Variants in GIGYF2 observed in about 807,000 individuals in gnomAD.
GIGYF2 encodes the protein GRB10 interacting GYF protein 2.
A neutral mutation model predicts 208.1 loss-of-function variants in GIGYF2; 25 were observed. That is an observed-to-expected ratio of 0.12 (90% CI 0.09 to 0.17). GIGYF2 has a LOEUF of 0.17. GIGYF2 is among the 10% of genes least tolerant of loss of function. The pLI is 1.00. For synonymous variants in GIGYF2, 534 were observed against 543.8 expected (o/e 0.98, Z 0.25); for missense variants, 1,302 against 1,579.4 (o/e 0.82, Z 2.98).
chr2:232,802,508 C>T (rs1043377016), intron 14 of GIGYF2, among the ~76,000 whole-genome samples: 6 of 151,958 alleles, frequency 3.9e-5, no homozygotes, highest in African/African-American at 1.5e-4. Context: ...TTTTTTCCCC[C>T]CTTATTAATA....
chr2:232,771,419 T>C, intron 8 of GIGYF2: 1 of 1,290,214 alleles, frequency 7.8e-7, no homozygotes, highest in Non-Finnish European at 1.1e-6. Context: ...AACTGTTTTA[T>C]AGTTAATGTT....
At chr2:232,804,574 C>G (rs1159323658) in intron 14 of GIGYF2, among the ~76,000 whole-genome samples, 2 of 152,088 alleles carry the variant, frequency 1.3e-5, no homozygotes, top group Non-Finnish European at 2.9e-5. Flanking sequence ...TCCCTGCAAC[C>G]TCTGCTTCCC....
chr2:232,816,771 A>T, intron 19 of GIGYF2, 100 bp from the exon 20 acceptor site: 1 of 875,062 alleles, frequency 1.1e-6, no homozygotes, highest in South Asian at 1.3e-5. Flanking sequence ...GCAGTACGGT[A>T]CAAGCAGCTG....
chr2:232,732,164 T>G (rs1697530818), intron 2 of GIGYF2, among the ~76,000 whole-genome samples: 1 of 152,214 alleles, frequency 6.6e-6, no homozygotes, highest in Admixed American at 6.5e-5. Context: ...ATTTAAAATT[T>G]AGTCGTTTGA....
chr2:232,746,922 T>C (rs570343813), intron 3 of GIGYF2, among the ~76,000 whole-genome samples: 2 of 152,352 alleles, frequency 1.3e-5, no homozygotes, highest in Admixed American at 6.5e-5. Flanking sequence ...TTTGCAGATA[T>C]AACCTTATTC....
chr2:232,721,385 A>C (rs949753198), intron 2 of GIGYF2, among the ~76,000 whole-genome samples: 1 of 152,118 alleles, frequency 6.6e-6, no homozygotes, highest in Non-Finnish European at 1.5e-5. Context: ...CCTCGTGTTC[A>C]TAAGATGTTT....
At chr2:232,708,605 C>A (rs1422401710) in intron 2 of GIGYF2, among the ~76,000 whole-genome samples, 1 of 149,796 alleles carries the variant, frequency 6.7e-6, no homozygotes, top group East Asian at 2.0e-4. Context: ...AAGGCTGAGG[C>A]AGGTGAATTG....
At chr2:232,760,096 T>G (rs1323203535) in intron 6 of GIGYF2, 1 of 172,350 alleles carries the variant, frequency 5.8e-6, no homozygotes, top group African/African-American at 2.4e-5. Flanking sequence ...CTTCTTAAAC[T>G]CTCTAAACCA....
chr2:232,760,477 C>T lies in GIGYF2; in HGVS notation c.380-3C>T, dbSNP rs374364876. 3.1e-6 allele frequency: 5 copies of T among 1,598,456 alleles called. No individual in the cohort carries two copies. In the African/African-American group the frequency reaches 5.4e-5, roughly 17 times the overall value. On this transcript the variant is annotated splice_polypyrimidine_tract_variant and splice_region_variant and intron_variant, in intron 6 of 28. Transcript: ENST00000373563. ...TCATTTTTTTCTGTTTTCTTATTTT[C>T]AGGCAGAGGCAGAGGTGAATGTGGT...
At chr2:232,727,019 C>CA (rs1697231121) in intron 2 of GIGYF2, among the ~76,000 whole-genome samples, 1 of 152,166 alleles carries the variant, frequency 6.6e-6, no homozygotes, top group Admixed American at 6.5e-5. Flanking sequence ...GGCTGGAGTG[C>CA]AGTGGCACGA....
chr2:232,713,655 T>C (rs1433713751), intron 2 of GIGYF2, among the ~76,000 whole-genome samples: 3 of 152,228 alleles, frequency 2.0e-5, no homozygotes, highest in African/African-American at 7.2e-5. Flanking sequence ...ATCCTTAGGC[T>C]TCTTTAGCTA....
At chr2:232,845,260 T>C (rs1332126876) in intron 25 of GIGYF2, among the ~76,000 whole-genome samples, 1 of 152,242 alleles carries the variant, frequency 6.6e-6, no homozygotes, top group Non-Finnish European at 1.5e-5. Flanking sequence ...ACTTAATAAA[T>C]GGTAGTGTTG....
Position 232,858,448 on chromosome 2 carries a change from T to C in GIGYF2, c.*1588T>C, listed in dbSNP as rs375797311. 3 of 454,030 alleles carry C rather than the reference T, an allele frequency of 6.6e-6. No homozygotes were observed. Among genetic ancestry groups the C allele is most frequent in the Non-Finnish European group, 1.3e-5 (3 of 226,316 alleles). 28.1% of individuals were successfully genotyped at this position (454,030 alleles called of 1,614,324 possible). On this transcript the variant is annotated 3_prime_UTR_variant, in exon 29 of 29. Transcript: ENST00000373563. ...TATATAGTTTTTGGATCAAATAGCA[T>C]GAGGGGAGAGGAAACCATTAAAAGT...
rs1179963510 is a variant in GIGYF2, at chr2:232,831,010, C to T, written c.2530-1847C>T. On this transcript the variant is annotated intron_variant, in intron 21 of 28. Transcript: ENST00000373563. The stretch of plus-strand genomic sequence containing the variant: ...TGATTGGAATTTATCTGAAGTTTTT[C>T]TCATGAATAGACTGGACTATGGGTA... Among the ~76,000 whole-genome samples, 4 of 152,070 alleles carry T rather than the reference C, an allele frequency of 2.6e-5. No individual in the cohort carries two copies. The East Asian group carries it at 7.7e-4, about 29-fold the overall frequency.
At chr2:232,828,225 A>G (rs934246410) in intron 21 of GIGYF2, among the ~76,000 whole-genome samples, 2 of 152,172 alleles carry the variant, frequency 1.3e-5, no homozygotes, top group African/African-American at 4.8e-5. Flanking sequence ...GGGCTCAAGC[A>G]GTCAGCCTGC....
intron 22 of GIGYF2, 148 bp from the exon 23 acceptor site, chr2:232,839,700 TA>T (rs1434161024): frequency 3.7e-6 from 3 of 806,196 alleles, no homozygotes; most frequent in Non-Finnish European, 6.1e-6. Flanking sequence ...GGATAGTAAG[TA>T]AAAGCAATGA....
At chr2:232,813,566 T>C (rs1386150298) in intron 18 of GIGYF2, among the ~76,000 whole-genome samples, 3 of 152,142 alleles carry the variant, frequency 2.0e-5, no homozygotes, top group African/African-American at 7.2e-5. Flanking sequence ...GGTCCATGGG[T>C]AGTCCTTTCA....
chr2:232,769,866 A>G (rs937415281), intron 8 of GIGYF2, among the ~76,000 whole-genome samples: 8 of 152,228 alleles, frequency 5.3e-5, no homozygotes, highest in Non-Finnish European at 7.3e-5. Flanking sequence ...TGATACATTA[A>G]ATAACAGTCT....
chr2:232,821,761 A>G (rs1257058856), intron 21 of GIGYF2, among the ~76,000 whole-genome samples: 1 of 152,122 alleles, frequency 6.6e-6, no homozygotes, highest in African/African-American at 2.4e-5. Context: ...GCCAACCTAC[A>G]GATTATTAAA....
Sources: gnomAD v4.1 joint callset for allele counts (sites outside exome capture counted in the v4.1 genomes callset) on GRCh38, gnomAD v4.1.1 for gene constraint, MANE v1.5 for transcripts, NCBI Gene and HGNC (gene_info 2026-07-23, HGNC 2026-07-21) for gene names.